DMXL2: variants seen among roughly 807,000 people sequenced by gnomAD.
DMXL2 encodes dmX-like protein 2.
A neutral mutation model predicts 331.1 loss-of-function variants in DMXL2; 103 were observed. The observed-to-expected ratio is 0.31, with a 90% confidence interval of 0.27 to 0.37. The LOEUF is 0.37. DMXL2 is among the 10% of genes least tolerant of loss of function. The pLI, the probability that DMXL2 is intolerant of heterozygous loss-of-function variation, is 1.00. For missense variants in DMXL2, 3,171 were observed against 3,642.9 expected (o/e 0.87, Z 3.33); for synonymous variants, 1,281 against 1,252.1 (o/e 1.02, Z -0.49).
intron 6 of DMXL2, among the ~76,000 whole-genome samples, chr15:51,559,848 G>C (rs774700344): frequency 6.6e-6 from 1 of 152,166 alleles, no homozygotes; most frequent in African/African-American, 2.4e-5. Context: ...TACTATGAGA[G>C]TGTAAATTAG....
intron 29 of DMXL2, among the ~76,000 whole-genome samples, chr15:51,466,914 G>A (rs1340534408): frequency 6.6e-6 from 1 of 151,778 alleles, no homozygotes; most frequent in Non-Finnish European, 1.5e-5. Context: ...ATTTTTTTTA[G>A]TGGATATTAA....
intron 6 of DMXL2, among the ~76,000 whole-genome samples, chr15:51,550,398 C>T (rs531139303): frequency 4.2e-4 from 64 of 152,156 alleles, no homozygotes; most frequent in African/African-American, 1.5e-3. Flanking sequence ...TAATTGTATA[C>T]ATTTACATAG....
At chr15:51,522,579 G>A (rs922516180) in intron 13 of DMXL2, among the ~76,000 whole-genome samples, 51 of 152,322 alleles carry the variant, frequency 3.3e-4, no homozygotes, top group African/African-American at 1.1e-3. Flanking sequence ...AGGAGGCAGC[G>A]GTTGCAGTGA....
intron 2 of DMXL2, among the ~76,000 whole-genome samples, chr15:51,571,397 G>C (rs2050661994): frequency 6.6e-6 from 1 of 152,072 alleles, no homozygotes. Flanking sequence ...AATTAACAAG[G>C]ATACCAGGGC....
At chr15:51,536,937 A>G (rs775327803) in intron 11 of DMXL2, 75 bp from the exon 12 acceptor site, 73 of 1,245,554 alleles carry the variant, frequency 5.9e-5, no homozygotes, top group Middle Eastern at 4.6e-4. Context: ...TTCTCAAAAT[A>G]CCAAATCTCA....
chr15:51,518,090 G>T (rs1003473663), intron 13 of DMXL2, among the ~76,000 whole-genome samples: 2 of 152,148 alleles, frequency 1.3e-5, no homozygotes, highest in African/African-American at 4.8e-5. Flanking sequence ...CCAGCACTTT[G>T]ACAGGCCAAG....
chr15:51,492,589 A>C (rs1347159695), intron 19 of DMXL2, among the ~76,000 whole-genome samples: 1 of 152,142 alleles, frequency 6.6e-6, no homozygotes, highest in Non-Finnish European at 1.5e-5. Flanking sequence ...TTTAAGTACT[A>C]ATGGATTTAT....
intron 15 of DMXL2, among the ~76,000 whole-genome samples, chr15:51,508,750 TA>T (rs978173646): frequency 3.3e-5 from 5 of 152,218 alleles, no homozygotes; most frequent in Non-Finnish European, 7.3e-5. Flanking sequence ...TGGAAATAAC[TA>T]AGCACTTAAC....
chr15:51,456,393 T>G (rs769297770), intron 37 of DMXL2, 24 bp from the exon 38 acceptor site: 2 of 1,456,292 alleles, frequency 1.4e-6, no homozygotes, highest in Non-Finnish European at 1.9e-6. Context: ...TTTTAAAAAT[T>G]TTATTTTGTG....
At position 51,453,606 on chromosome 15, in the gene DMXL2, A is replaced by C; in HGVS notation, c.8640T>G (p.Phe2880Leu). Reference sequence around the variant, plus strand: ...CTAGACTTGAAGAGGTAATAAATGCAAAGTCACTTGTGGCTTTACTGTGGC... The same window carrying C: ...CTAGACTTGAAGAGGTAATAAATGCCAAGTCACTTGTGGCTTTACTGTGGC... Reference protein sequence around the residue: ...WQCHSKATSDFAFITSSSLVA... With the variant: ...WQCHSKATSDLAFITSSSLVA... Residue 2880 changes from phenylalanine (F) to leucine (L), a missense_variant, in exon 41 of 44, where the codon TTT becomes TTG. Phe to Leu is a conservative substitution (Grantham distance 22). Coordinates refer to ENST00000560891, the MANE Select transcript of DMXL2 (RefSeq NM_001378457.1). The C allele has an allele frequency of 6.2e-7, 1 of 1,613,934 alleles. No individual in the cohort carries two copies. Among genetic ancestry groups the C allele is most frequent in the Non-Finnish European group, 8.5e-7 (1 of 1,179,920 alleles).
chr15:51,621,424 G>A (rs1413491903), intron 1 of DMXL2, among the ~76,000 whole-genome samples: 1 of 152,122 alleles, frequency 6.6e-6, no homozygotes, highest in African/African-American at 2.4e-5. Context: ...ATACCATTAC[G>A]GAATTTCCAG....
intron 26 of DMXL2, 74 bp from the exon 27 acceptor site, chr15:51,476,793 T>G: frequency 8.1e-7 from 1 of 1,233,398 alleles, no homozygotes; most frequent in Non-Finnish European, 1.1e-6. Context: ...TATCATCTAT[T>G]TTAGACACCT....
chr15:51,483,187 C>T (rs529819893), intron 23 of DMXL2, among the ~76,000 whole-genome samples: 262 of 152,288 alleles, frequency 1.7e-3, no homozygotes, highest in African/African-American at 6.2e-3. Context: ...GTTCACGCAA[C>T]GGCACTGACC....
At position 51,564,269 on chromosome 15, in the gene DMXL2, T is replaced by TAA; in HGVS notation, c.365-11_365-10dup. On this transcript the variant is annotated splice_polypyrimidine_tract_variant and intron_variant, in intron 4 of 43. Transcript: ENST00000560891. Reference sequence around the variant, plus strand: ...TGTCAACAATCTATTATCTGAAAATTAAAGAATGTTATGATGAATATGCAA... The same window carrying TAA: ...TGTCAACAATCTATTATCTGAAAATTAAAAAGAATGTTATGATGAATATGCAA... The TAA allele has an allele frequency of 1.3e-6, 2 of 1,567,168 alleles. No homozygotes were observed. Among genetic ancestry groups the TAA allele is most frequent in the South Asian group, 2.4e-5 (2 of 82,700 alleles).
At chr15:51,532,906 A>G (rs77856776) in intron 13 of DMXL2, among the ~76,000 whole-genome samples, 1,797 of 152,314 alleles carry the variant, frequency 0.012, 37 homozygotes, top group African/African-American at 0.042. Flanking sequence ...ATCTACATGG[A>G]AAAGTCCAAG....
chr15:51,545,655 A>G lies in DMXL2; in HGVS notation c.858T>C (p.Thr286=). The G allele has an allele frequency of 6.2e-7, 1 of 1,613,738 alleles. No individual in the cohort carries two copies. The highest frequency in any genetic ancestry group is 8.5e-7 in the Non-Finnish European group (1 of 1,179,736). The change falls in exon 8 of 44, where the codon ACT becomes ACC. Residue 286 remains threonine, a synonymous_variant. Coordinates refer to ENST00000560891, the MANE Select transcript of DMXL2 (RefSeq NM_001378457.1). ...GGCTGCTGGCAATGCTGGAAGTGGT[A>G]GTCTCACAAATCTGCTCACCCAAAA... is the stretch of plus-strand genomic sequence containing the variant. The part of the protein sequence containing the change: ...DCLLGEQICE[T]TTSSIASSLS...
intron 1 of DMXL2, among the ~76,000 whole-genome samples, chr15:51,585,202 G>C (rs977117351): frequency 8.4e-6 from 1 of 118,722 alleles, no homozygotes; most frequent in Non-Finnish European, 1.7e-5. Context: ...TCCCTGTCAT[G>C]TGCCAGTTTT....
chr15:51,494,091 A>G (rs1199309066), intron 19 of DMXL2, among the ~76,000 whole-genome samples: 1 of 152,188 alleles, frequency 6.6e-6, no homozygotes, highest in African/African-American at 2.4e-5. Context: ...TGAGGAAATA[A>G]TCAGGAATGC....
At chr15:51,588,606 T>C (rs1011024938) in intron 1 of DMXL2, among the ~76,000 whole-genome samples, 4 of 152,238 alleles carry the variant, frequency 2.6e-5, no homozygotes, top group Non-Finnish European at 5.9e-5. Context: ...TTTGTAACTA[T>C]TGGAAATTTC....
Sources: allele counts gnomAD v4.1 joint callset (sites outside exome capture counted in the v4.1 genomes callset), GRCh38; gene constraint gnomAD v4.1.1; transcripts MANE v1.5; gene names NCBI Gene and HGNC (gene_info 2026-07-23, HGNC 2026-07-21).